Variants in PACS1 observed in about 807,000 individuals in gnomAD.
PACS1 encodes the protein phosphofurin acidic cluster sorting protein 1, also known as PACS-1.
In PACS1, 24 loss-of-function variants were observed where a neutral mutation model predicts 115.0. The observed-to-expected ratio is 0.21, with a 90% confidence interval of 0.15 to 0.29. The LOEUF (loss-of-function observed/expected upper bound fraction) is 0.29, where lower values mean the gene tolerates loss of function less well. Among genes scored for constraint, PACS1 ranks in the 10% least tolerant of loss-of-function variants. The pLI, the probability that PACS1 is intolerant of heterozygous loss-of-function variation, is 1.00. For synonymous variants in PACS1, 453 were observed against 504.5 expected, an observed-to-expected ratio of 0.90 and a Z score of 1.37; for missense variants, 838 against 1,251.2, an observed-to-expected ratio of 0.67 and a Z score of 4.98.
At position 66,233,804 on chromosome 11, in the gene PACS1, A is replaced by G. The variant is rs780487360; in HGVS notation, c.1858A>G (p.Met620Val). Residue 620 changes from methionine (M) to valine (V), a missense_variant, in exon 16 of 24, where the codon ATG becomes GTG. This residue lies in a region of PACS1 where 383 missense variants were observed against 537.0 expected (regional missense o/e 0.71). Coordinates refer to ENST00000320580, the MANE Select transcript of PACS1 (RefSeq NM_018026.4). The surrounding 1 kb of genome is among the most constrained non-coding windows in gnomAD (Gnocchi z 4.5). ...CCCCAGCTGCAACTGCAACTCTTCC[A>G]TGCCGAGGCCAGTGAAGGTGGCTGC... ...IQRYCNCNSS[M>V]PRPVKVAAVG... is the part of the protein sequence containing the mutation. 2 of 1,613,754 alleles carry G rather than the reference A, an allele frequency of 1.2e-6. No individual in the cohort carries two copies. The highest frequency in any genetic ancestry group is 1.7e-5 in the Admixed American group (1 of 59,960).
intron 1 of PACS1, among the ~76,000 whole-genome samples, chr11:66,074,940 T>TA (rs1857369054): frequency 1.6e-5 from 1 of 63,256 alleles, no homozygotes; most frequent in Non-Finnish European, 3.3e-5. Flanking sequence ...TTTTTTTTGG[T>TA]GTTTTTTTTT....
intron 1 of PACS1, among the ~76,000 whole-genome samples, chr11:66,143,890 T>G (rs1859059744): frequency 6.6e-6 from 1 of 152,234 alleles, no homozygotes; most frequent in Non-Finnish European, 1.5e-5. Context: ...TCTGCCCGCC[T>G]TGGCCTCCCA....
intron 1 of PACS1, among the ~76,000 whole-genome samples, chr11:66,164,589 TTATATAA>T (rs1859557770): frequency 6.9e-6 from 1 of 145,390 alleles, no homozygotes; most frequent in Admixed American, 7.0e-5. Flanking sequence ...TATATATGTA[TTATATAA>T]TATATAATAC....
At chr11:66,238,721 G>T in intron 19 of PACS1, 83 bp from the exon 20 acceptor site, 1 of 1,241,374 alleles carries the variant, frequency 8.1e-7, no homozygotes, top group Non-Finnish European at 1.2e-6. Context: ...GATGGCTCTT[G>T]TGCCACCAAT....
At chr11:66,219,183 G>A (rs886213852) in intron 7 of PACS1, among the ~76,000 whole-genome samples, 2 of 151,948 alleles carry the variant, frequency 1.3e-5, no homozygotes, top group Non-Finnish European at 2.9e-5. Context: ...ATCCCAGAGA[G>A]GCAAGGAGAA....
At chr11:66,124,782 C>A (rs148439184) in intron 1 of PACS1, among the ~76,000 whole-genome samples, 1 of 152,202 alleles carries the variant, frequency 6.6e-6, no homozygotes, top group African/African-American at 2.4e-5. Flanking sequence ...CTTAAACACA[C>A]AGATGTTTAT....
At chr11:66,143,770 C>G (rs948971844) in intron 1 of PACS1, among the ~76,000 whole-genome samples, 22 of 152,046 alleles carry the variant, frequency 1.4e-4, no homozygotes, top group African/African-American at 5.3e-4. Context: ...CTCCCAAGAA[C>G]CTGGGTTTAC....
chr11:66,211,214 C>T lies in PACS1; in HGVS notation c.615C>T (p.Ile205=), dbSNP rs774834273. ...GAAAACGTTACAAGAATCGGACCAT[C>T]TTGGGCTATAAGACCTTGGCCGTGG... ...QRRKRYKNRT[I]LGYKTLAVGL... Residue 205 remains isoleucine, a synonymous_variant, in exon 4 of 24, where the codon ATC becomes ATT. Coordinates refer to ENST00000320580, the MANE Select transcript of PACS1 (RefSeq NM_018026.4). The T allele has an allele frequency of 6.2e-7, 1 of 1,613,828 alleles. No homozygotes were observed. The highest frequency in any genetic ancestry group is 1.3e-5 in the African/African-American group (1 of 75,036).
chr11:66,121,043 A>T (rs984948050), intron 1 of PACS1: 31 of 456,122 alleles, frequency 6.8e-5, no homozygotes, highest in African/African-American at 6.2e-4. Context: ...TTACAGATTG[A>T]AGATTTGTGG....
intron 4 of PACS1, among the ~76,000 whole-genome samples, chr11:66,212,275 G>T (rs1478938015): frequency 1.3e-5 from 2 of 151,486 alleles, no homozygotes; most frequent in Non-Finnish European, 2.9e-5. Flanking sequence ...GGGACTACAG[G>T]CGTGCACCAC....
intron 2 of PACS1, among the ~76,000 whole-genome samples, chr11:66,197,044 G>T (rs1854667401): frequency 6.6e-6 from 1 of 152,180 alleles, no homozygotes; most frequent in Non-Finnish European, 1.5e-5. Context: ...TGTATAATAT[G>T]TAACATTTGA....
intron 2 of PACS1, among the ~76,000 whole-genome samples, chr11:66,198,292 A>G (rs760926490): frequency 1.3e-5 from 2 of 152,258 alleles, no homozygotes; most frequent in Non-Finnish European, 2.9e-5. Context: ...ATGAAAACAC[A>G]CAAAATCTAA....
chr11:66,173,697 G>A (rs190066540), intron 1 of PACS1, among the ~76,000 whole-genome samples: 87 of 151,532 alleles, frequency 5.7e-4, no homozygotes, highest in African/African-American at 2.1e-3. Flanking sequence ...GCGACAGAGC[G>A]AAACTCCATC....
chr11:66,216,623 TG>T lies in PACS1; in HGVS notation c.897+14del, dbSNP rs1247877128. The T allele has an allele frequency of 1.6e-5, 26 of 1,612,390 alleles. No individual in the cohort carries two copies. The highest frequency in any genetic ancestry group is 2.2e-5 in the Non-Finnish European group (26 of 1,178,468). On this transcript the variant is annotated intron_variant, in intron 6 of 23. Transcript: ENST00000320580. The stretch of plus-strand genomic sequence containing the variant: ...CATTGCATGGGCAGGTAACTTTCTG[TG>T]GTCCCTCACATGGCGTGTCCAAGAA...
intron 1 of PACS1, among the ~76,000 whole-genome samples, chr11:66,175,044 G>A (rs1384846891): frequency 6.6e-5 from 10 of 152,010 alleles, no homozygotes; most frequent in Non-Finnish European, 1.3e-4. Flanking sequence ...CCAGCTACTC[G>A]GGAGGCTGAG....
In PACS1 at chr11:66,211,270, C is replaced by T. The variant is rs1157419950; in HGVS notation, c.660+11C>T. The T allele has an allele frequency of 1.9e-6, 3 of 1,613,008 alleles. No homozygotes were observed. The Admixed American group carries it at 5.0e-5, about 27-fold the overall frequency. ...ATCAACATGGCAGAGGTGAGAGGAACACAGTCTCCAGACTGTTGGCCTTTG... is the reference window on the plus strand; with the variant it reads ...ATCAACATGGCAGAGGTGAGAGGAATACAGTCTCCAGACTGTTGGCCTTTG... On this transcript the variant is annotated intron_variant, in intron 4 of 23. Transcript: ENST00000320580.
intron 4 of PACS1, among the ~76,000 whole-genome samples, 160 bp from the exon 5 acceptor site, chr11:66,215,954 CAAAGT>C (rs1452555987): frequency 1.4e-5 from 2 of 144,160 alleles, no homozygotes; most frequent in East Asian, 3.9e-4. Flanking sequence ...TAATAATAAA[CAAAGT>C]AAGACCGTGA....
At chr11:66,192,531 G>A (rs1029688220) in intron 1 of PACS1, among the ~76,000 whole-genome samples, 7 of 152,246 alleles carry the variant, frequency 4.6e-5, no homozygotes, top group Admixed American at 2.6e-4. Flanking sequence ...GGGCTGTGGA[G>A]ATGCAAGACA....
At chr11:66,134,141 C>A (rs1290449801) in intron 1 of PACS1, among the ~76,000 whole-genome samples, 1 of 152,032 alleles carries the variant, frequency 6.6e-6, no homozygotes, top group Non-Finnish European at 1.5e-5. Flanking sequence ...TCCCCACCAT[C>A]CCCTTGTGCG....
Sources: allele counts gnomAD v4.1 joint callset (sites outside exome capture counted in the v4.1 genomes callset), GRCh38; gene constraint gnomAD v4.1.1; regional missense constraint gnomAD v4.1.1; non-coding constraint Gnocchi (gnomAD v3.1); transcripts MANE v1.5; gene names NCBI Gene and HGNC (gene_info 2026-07-23, HGNC 2026-07-21).